NR3C2: variants seen among roughly 807,000 people sequenced by gnomAD.
The protein encoded by NR3C2 is mineralocorticoid receptor.
A neutral mutation model predicts 86.4 loss-of-function variants in NR3C2; 15 were observed. The ratio of observed to expected loss-of-function variants is 0.17; its 90% CI spans 0.12 to 0.27. The LOEUF (loss-of-function observed/expected upper bound fraction) is 0.27. NR3C2 is among the 10% of genes least tolerant of loss of function. NR3C2 has a pLI of 1.00. For missense variants in NR3C2, 960 were observed against 1,195.6 expected (o/e 0.80, Z 2.91); for synonymous variants, 458 against 450.5 (o/e 1.02, Z -0.21).
intron 2 of NR3C2, among the ~76,000 whole-genome samples, chr4:148,362,583 C>T (rs534660987): frequency 1.3e-5 from 2 of 152,264 alleles, no homozygotes; most frequent in South Asian, 2.1e-4. Flanking sequence ...TTCACTCCCG[C>T]TTTCATCTGC....
At chr4:148,134,677 C>G (rs1302579739) in intron 6 of NR3C2, among the ~76,000 whole-genome samples, 1 of 46,610 alleles carries the variant, frequency 2.1e-5, no homozygotes, top group Non-Finnish European at 5.5e-5. Flanking sequence ...TAGAGGGAGT[C>G]TCGCTCTATC....
At chr4:148,305,540 TA>T (rs3054606) in intron 2 of NR3C2, among the ~76,000 whole-genome samples, 1,675 of 134,764 alleles carry the variant, frequency 0.012, 17 homozygotes, top group African/African-American at 0.03. Flanking sequence ...CATTCTTTCT[TA>T]AAAAAAAAAA....
intron 4 of NR3C2, among the ~76,000 whole-genome samples, chr4:148,166,629 G>A (rs1480915689): frequency 6.6e-6 from 1 of 152,094 alleles, no homozygotes; most frequent in East Asian, 1.9e-4. Flanking sequence ...TAAAGGAAAA[G>A]GGTCCAAGAG....
intron 8 of NR3C2, among the ~76,000 whole-genome samples, chr4:148,106,432 T>C (rs1260820724): frequency 6.6e-6 from 1 of 152,192 alleles, no homozygotes; most frequent in African/African-American, 2.4e-5. Context: ...AAAATGGCCA[T>C]ACTCCCCAAA....
At position 148,120,246 on chromosome 4, in the gene NR3C2, C is replaced by T. The variant is rs779121505; in HGVS notation, c.2553G>A (p.Gly851=). ...HQSAMYELCQ[G]MHQISLQFVR... ...CGAACTGAAGGCTGATTTGGTGCAT[C>T]CCCTGGCATAGTTCATACATGGCAG... The change falls in exon 7 of 9, where the codon GGG becomes GGA. Residue 851 remains glycine, a synonymous_variant. Coordinates refer to ENST00000358102, the MANE Select transcript of NR3C2 (RefSeq NM_000901.5). 1.1e-5 allele frequency: 17 copies of T among 1,613,834 alleles called. No individual in the cohort carries two copies. The highest frequency in any genetic ancestry group is 3.4e-6 in the Non-Finnish European group (4 of 1,179,850).
At chr4:148,158,583 T>C (rs1009679233) in intron 4 of NR3C2, among the ~76,000 whole-genome samples, 1 of 152,228 alleles carries the variant, frequency 6.6e-6, no homozygotes, top group Non-Finnish European at 1.5e-5. Flanking sequence ...TCATCCTTTA[T>C]AGGACCACAT....
At chr4:148,323,724 C>A (rs997474031) in intron 2 of NR3C2, among the ~76,000 whole-genome samples, 1 of 152,142 alleles carries the variant, frequency 6.6e-6, no homozygotes, top group Non-Finnish European at 1.5e-5. Flanking sequence ...GGCAATGCCT[C>A]GCCCTGCTTC....
intron 2 of NR3C2, among the ~76,000 whole-genome samples, chr4:148,330,376 T>C (rs1744169785): frequency 6.6e-6 from 1 of 152,090 alleles, no homozygotes; most frequent in Non-Finnish European, 1.5e-5. Flanking sequence ...CCTGATGAAA[T>C]AACCAGCTCT....
chr4:148,441,251 TCTC>T (rs1284470710), intron 1 of NR3C2, among the ~76,000 whole-genome samples: 1 of 152,162 alleles, frequency 6.6e-6, no homozygotes, highest in Non-Finnish European at 1.5e-5. Flanking sequence ...TTTTAAAACT[TCTC>T]CTCTCAAGCT....
chr4:148,430,044 C>A (rs931470772), intron 2 of NR3C2, among the ~76,000 whole-genome samples: 8 of 152,220 alleles, frequency 5.3e-5, no homozygotes, highest in Admixed American at 4.6e-4. Context: ...ATCAATATAA[C>A]ATCTGCTATT....
At chr4:148,135,923 G>T (rs191771637) in intron 6 of NR3C2, among the ~76,000 whole-genome samples, 1,426 of 132,534 alleles carry the variant, frequency 0.011, 36 homozygotes, top group Middle Eastern at 0.022. Context: ...CGGGCATAGT[G>T]GCGGGCGCCT....
At chr4:148,087,127 A>G (rs1730849736) in intron 8 of NR3C2, among the ~76,000 whole-genome samples, 1 of 152,222 alleles carries the variant, frequency 6.6e-6, no homozygotes, top group Non-Finnish European at 1.5e-5. Flanking sequence ...TACACCAATA[A>G]TAGACAAACA....
intron 2 of NR3C2, among the ~76,000 whole-genome samples, chr4:148,281,170 T>C (rs567907083): frequency 2.0e-5 from 3 of 152,222 alleles, no homozygotes; most frequent in African/African-American, 7.2e-5. Flanking sequence ...AGTTATAACC[T>C]CCAAAGGAGA....
intron 1 of NR3C2, among the ~76,000 whole-genome samples, 175 bp from the exon 2 acceptor site, chr4:148,437,037 T>C (rs1750116401): frequency 6.6e-6 from 1 of 152,244 alleles, no homozygotes; most frequent in African/African-American, 2.4e-5. Context: ...GAGTATTGAC[T>C]ACAGCTTGTC....
intron 2 of NR3C2, among the ~76,000 whole-genome samples, chr4:148,416,693 A>C (rs1749019100): frequency 6.6e-6 from 1 of 152,208 alleles, no homozygotes; most frequent in Non-Finnish European, 1.5e-5. Flanking sequence ...AATGATACCA[A>C]ATTGTTGCTT....
intron 8 of NR3C2, among the ~76,000 whole-genome samples, chr4:148,086,455 C>G (rs1454079398): frequency 2.6e-5 from 4 of 152,246 alleles, no homozygotes; most frequent in African/African-American, 7.2e-5. Flanking sequence ...CTCCCAATAG[C>G]TGGGCGCGGT....
intron 2 of NR3C2, among the ~76,000 whole-genome samples, chr4:148,318,200 T>C (rs1034622439): frequency 2.0e-5 from 3 of 151,664 alleles, no homozygotes. Context: ...ACAAAGGACA[T>C]GAACTCATCA....
chr4:148,294,116 A>G (rs1741924735), intron 2 of NR3C2, among the ~76,000 whole-genome samples: 1 of 152,160 alleles, frequency 6.6e-6, no homozygotes, highest in Admixed American at 6.5e-5. Flanking sequence ...CACTATCTCC[A>G]TGGGCAAAAG....
At position 148,082,665 on chromosome 4, in the gene NR3C2, G is replaced by GTTTTTTTTTTTTTT. The variant is rs11381991; in HGVS notation, c.2800-1180_2800-1167dup. Reference sequence around the variant, plus strand: ...TAGGGCAGACACTGAGCTAGCTGCAGTTTTTTTTTTTTTTTTTCATACCCC... The same window carrying GTTTTTTTTTTTTTT: ...TAGGGCAGACACTGAGCTAGCTGCAGTTTTTTTTTTTTTTTTTTTTTTTTTTTTTTTCATACCCC... On this transcript the variant is annotated intron_variant, in intron 8 of 8. Coordinates refer to ENST00000358102, the MANE Select transcript of NR3C2 (RefSeq NM_000901.5). Among the ~76,000 whole-genome samples, 2 of 130,932 alleles carry GTTTTTTTTTTTTTT rather than the reference G, an allele frequency of 1.5e-5. 1 individual carries two copies. 85.9% of individuals were successfully genotyped at this position (130,932 alleles called of 152,430 possible).
Sources: gnomAD v4.1 joint callset for allele counts (sites outside exome capture counted in the v4.1 genomes callset) on GRCh38, gnomAD v4.1.1 for gene constraint, MANE v1.5 for transcripts, NCBI Gene and HGNC (gene_info 2026-07-23, HGNC 2026-07-21) for gene names.